Variants in MAP3K20 observed in about 807,000 individuals in gnomAD.
The protein encoded by MAP3K20 is HCCS-4.
In MAP3K20, 40 loss-of-function variants were observed where a neutral mutation model predicts 85.7. That is an observed-to-expected ratio of 0.47 (90% CI 0.36 to 0.61). MAP3K20 has a LOEUF of 0.61. MAP3K20 is among the 20% of genes least tolerant of loss of function. The pLI, the probability that MAP3K20 is intolerant of heterozygous loss-of-function variation, is 0.00. For synonymous variants in MAP3K20, 325 were observed against 327.7 expected (o/e 0.99, Z 0.09); for missense variants, 817 against 961.7 (o/e 0.85, Z 1.99).
intron 11 of MAP3K20, chr2:173,226,621 T>C: frequency 2.0e-6 from 2 of 985,812 alleles, no homozygotes; most frequent in Non-Finnish European, 2.4e-6. Flanking sequence ...ACTCCACCTT[T>C]GTTTGCACTC....
chr2:173,103,877 T>C (rs1247697416), intron 2 of MAP3K20, among the ~76,000 whole-genome samples: 2 of 152,194 alleles, frequency 1.3e-5, no homozygotes, highest in African/African-American at 4.8e-5. Flanking sequence ...AACTGTGACC[T>C]GAACAGATTC....
intron 2 of MAP3K20, among the ~76,000 whole-genome samples, chr2:173,117,779 T>C (rs1688167245): frequency 6.6e-6 from 1 of 152,214 alleles, no homozygotes; most frequent in Non-Finnish European, 1.5e-5. Flanking sequence ...TAATCACTTC[T>C]GGCACTTAGC....
At chr2:173,188,808 A>AG (rs1690567715) in intron 5 of MAP3K20, among the ~76,000 whole-genome samples, 1 of 152,196 alleles carries the variant, frequency 6.6e-6, no homozygotes, top group Admixed American at 6.5e-5. Flanking sequence ...GTCAGCTAAC[A>AG]GGAAGTCATT....
intron 1 of MAP3K20, among the ~76,000 whole-genome samples, chr2:173,081,126 T>C (rs1164945252): frequency 6.6e-6 from 1 of 152,154 alleles, no homozygotes; most frequent in African/African-American, 2.4e-5. Flanking sequence ...CATTCTCTTC[T>C]GTCCTACACT....
At chr2:173,250,260 T>G (rs577838094) in intron 16 of MAP3K20, among the ~76,000 whole-genome samples, 5 of 152,352 alleles carry the variant, frequency 3.3e-5, no homozygotes, top group African/African-American at 1.2e-4. Flanking sequence ...TTTCAGCTGT[T>G]CATTGTGCCA....
intron 1 of MAP3K20, among the ~76,000 whole-genome samples, chr2:173,082,924 C>A (rs1204542456): frequency 6.6e-6 from 1 of 152,206 alleles, no homozygotes; most frequent in Non-Finnish European, 1.5e-5. Flanking sequence ...CCTGTGCCTC[C>A]CATCTTTTAC....
intron 2 of MAP3K20, among the ~76,000 whole-genome samples, chr2:173,165,332 G>A (rs532122983): frequency 3.3e-5 from 5 of 152,066 alleles, no homozygotes; most frequent in Non-Finnish European, 7.4e-5. Context: ...CAGGAGAATT[G>A]CTTGAACCTG....
intron 1 of MAP3K20, among the ~76,000 whole-genome samples, chr2:173,079,104 C>G (rs955358606): frequency 6.6e-6 from 1 of 152,100 alleles, no homozygotes. Flanking sequence ...TGCACCTACA[C>G]AAACCTAGAT....
chr2:173,108,150 T>G (rs969419178), intron 2 of MAP3K20, among the ~76,000 whole-genome samples: 1 of 152,104 alleles, frequency 6.6e-6, no homozygotes, highest in Non-Finnish European at 1.5e-5. Flanking sequence ...TTTTTATTTT[T>G]TTTTGAGATG....
chr2:173,124,415 G>A (rs925570862), intron 2 of MAP3K20, among the ~76,000 whole-genome samples: 3 of 152,110 alleles, frequency 2.0e-5, no homozygotes, highest in African/African-American at 4.8e-5. Context: ...CCTGCTCCCC[G>A]GGCTGTGACT....
intron 11 of MAP3K20, chr2:173,227,158 C>T: frequency 2.0e-6 from 2 of 983,488 alleles, no homozygotes; most frequent in Non-Finnish European, 2.4e-6. Context: ...CCCTTTGTTA[C>T]GTGTTGCTGT....
intron 1 of MAP3K20, among the ~76,000 whole-genome samples, chr2:173,080,837 A>AT (rs1433396848): frequency 2.0e-5 from 3 of 152,164 alleles, no homozygotes; most frequent in African/African-American, 7.2e-5. Flanking sequence ...ACTTGGAACC[A>AT]TTTTTATAGC....
intron 8 of MAP3K20, among the ~76,000 whole-genome samples, chr2:173,200,364 CTT>C (rs1435738328): frequency 6.6e-6 from 1 of 152,130 alleles, no homozygotes; most frequent in Non-Finnish European, 1.5e-5. Flanking sequence ...GAGGCTTTGA[CTT>C]AAACATAATT....
At chr2:173,230,599 C>T (rs777603844) in intron 12 of MAP3K20, among the ~76,000 whole-genome samples, 5 of 152,200 alleles carry the variant, frequency 3.3e-5, no homozygotes, top group African/African-American at 4.8e-5. Flanking sequence ...AGAAGTCCTG[C>T]ACTCTGCATT....
chr2:173,091,320 T>G (rs750066823), intron 2 of MAP3K20, 130 bp downstream of exon 2: 1 of 867,646 alleles, frequency 1.2e-6, no homozygotes, highest in Non-Finnish European at 1.7e-6. Flanking sequence ...CGAGGCCGTT[T>G]CCCAATTTCC....
chr2:173,228,072 G>A (rs1217887277), intron 11 of MAP3K20, among the ~76,000 whole-genome samples: 2 of 152,166 alleles, frequency 1.3e-5, no homozygotes, highest in East Asian at 1.9e-4. Context: ...AAGTGTTTCC[G>A]AGGAGGCAAG....
At chr2:173,143,439 TAAC>T (rs1414479185) in intron 2 of MAP3K20, among the ~76,000 whole-genome samples, 1 of 152,210 alleles carries the variant, frequency 6.6e-6, no homozygotes, top group Non-Finnish European at 1.5e-5. Flanking sequence ...ACATTATACT[TAAC>T]AACTACAAAA....
At chr2:173,256,421 G>A (rs553919728) in intron 16 of MAP3K20, among the ~76,000 whole-genome samples, 3 of 151,828 alleles carry the variant, frequency 2.0e-5, no homozygotes, top group East Asian at 2.0e-4. Context: ...GAGGCCAAGC[G>A]TTCAAGACCA....
At chr2:173,176,810 G>A (rs898126047) in intron 3 of MAP3K20, among the ~76,000 whole-genome samples, 5 of 152,096 alleles carry the variant, frequency 3.3e-5, no homozygotes, top group African/African-American at 4.8e-5. Flanking sequence ...GAGACATATC[G>A]TAGATTCAAA....
Sources: allele counts gnomAD v4.1 joint callset (sites outside exome capture counted in the v4.1 genomes callset), GRCh38; gene constraint gnomAD v4.1.1; transcripts MANE v1.5; gene names NCBI Gene and HGNC (gene_info 2026-07-23, HGNC 2026-07-21).